KDELR1: variants seen among roughly 807,000 people sequenced by gnomAD.
KDELR1 encodes the protein KDEL endoplasmic reticulum protein retention receptor 1.
In KDELR1, 16 loss-of-function variants were observed where a neutral mutation model predicts 25.5. That is an observed-to-expected ratio of 0.63 (90% CI 0.43 to 0.95). KDELR1 has a LOEUF of 0.95. Among genes scored for constraint, KDELR1 ranks in the 40% least tolerant of loss-of-function variants. The pLI is 0.00. For synonymous variants in KDELR1, 121 were observed against 115.0 expected (o/e 1.05, Z -0.33); for missense variants, 159 against 265.2 (o/e 0.60, Z 2.78).
chr19:48,385,152 G>A (rs10415270), intron 3 of KDELR1, among the ~76,000 whole-genome samples: 5,726 of 152,262 alleles, frequency 0.038, 361 homozygotes, highest in African/African-American at 0.13. Context: ...CTCCCAAAGT[G>A]CTGGGATTAC....
intron 3 of KDELR1, among the ~76,000 whole-genome samples, chr19:48,386,182 C>G (rs912693427): frequency 6.6e-6 from 1 of 150,906 alleles, no homozygotes; most frequent in Non-Finnish European, 1.5e-5. Context: ...GGCGCGATCT[C>G]GGCTCACTGC....
chr19:48,385,366 T>G (rs148806143), intron 3 of KDELR1, among the ~76,000 whole-genome samples: 1 of 152,236 alleles, frequency 6.6e-6, no homozygotes, highest in Non-Finnish European at 1.5e-5. Flanking sequence ...CCCCATCTTA[T>G]CTCCTTCCTG....
At chr19:48,395,268 C>T (rs1219456185), upstream of KDELR1, among the ~76,000 whole-genome samples, 3 of 151,712 alleles carry the variant, frequency 2.0e-5, no homozygotes, top group Admixed American at 6.6e-5. Context: ...GTACCCCCCT[C>T]CCTGCATCAG....
At chr19:48,388,679 T>C (rs561840602) in intron 3 of KDELR1, among the ~76,000 whole-genome samples, 2 of 145,898 alleles carry the variant, frequency 1.4e-5, no homozygotes, top group Non-Finnish European at 3.0e-5. Context: ...AGCGAGACTT[T>C]GTCGAAAGAG....
Position 48,383,256 on chromosome 19 carries a change from C to T in KDELR1, c.*37G>A. 6.5e-7 allele frequency: 1 copy of T among 1,549,550 alleles called. No individual in the cohort carries two copies. Among genetic ancestry groups the T allele is most frequent in the South Asian group, 1.2e-5 (1 of 84,018 alleles). On this transcript the variant is annotated 3_prime_UTR_variant, in exon 5 of 5. Coordinates refer to ENST00000330720, the MANE Select transcript of KDELR1 (RefSeq NM_006801.3). Reference sequence around the variant, plus strand: ...ATCTTCTGCCGCCTTCCTCTGCCTCCCGCTGCTGCCGAGGAGAGAGATGGA... The same window carrying T: ...ATCTTCTGCCGCCTTCCTCTGCCTCTCGCTGCTGCCGAGGAGAGAGATGGA...
upstream of KDELR1, among the ~76,000 whole-genome samples, chr19:48,392,063 C>G (rs934118100): frequency 2.0e-5 from 3 of 149,196 alleles, no homozygotes; most frequent in Admixed American, 2.0e-4. Flanking sequence ...CCCAGAAGTC[C>G]AGACCCCCAG....
At chr19:48,391,203 C>T in intron 1 of KDELR1, 65 bp downstream of exon 1, 1 of 1,401,668 alleles carries the variant, frequency 7.1e-7, no homozygotes, top group Non-Finnish European at 9.9e-7. Flanking sequence ...CTTCCTGAGT[C>T]CTGCGACGTC....
upstream of KDELR1, among the ~76,000 whole-genome samples, chr19:48,394,509 C>T (rs547965630): frequency 3.9e-3 from 498 of 127,622 alleles, 5 homozygotes; most frequent in African/African-American, 0.014. This position sits in a 1 kb window ranked among gnomAD's most constrained non-coding sequence, Gnocchi z 5.1. Context: ...CAGGGAGAGG[C>T]GGGACTGGAC....
At chr19:48,386,271 C>A (rs1243657731) in intron 3 of KDELR1, among the ~76,000 whole-genome samples, 3 of 151,826 alleles carry the variant, frequency 2.0e-5, no homozygotes, top group East Asian at 1.9e-4. Flanking sequence ...CTCACCACCA[C>A]GCCCTGCTAA....
chr19:48,393,750 C>G (rs577250570), upstream of KDELR1, among the ~76,000 whole-genome samples: 43 of 152,168 alleles, frequency 2.8e-4, no homozygotes, highest in African/African-American at 1.0e-3. The surrounding 1 kb of genome is among the most constrained non-coding windows in gnomAD (Gnocchi z 5.6). Flanking sequence ...GCGGCCGCCG[C>G]CGCCACCCTC....
intron 1 of KDELR1, 132 bp from the exon 2 acceptor site, chr19:48,390,656 C>A (rs1057251260): frequency 2.3e-5 from 15 of 644,128 alleles, no homozygotes; most frequent in Non-Finnish European, 3.8e-5. Context: ...TAAGGCAGGG[C>A]GCCCGGGACC....
chr19:48,392,505 GA>G (rs1970570987), upstream of KDELR1, among the ~76,000 whole-genome samples: 1 of 152,150 alleles, frequency 6.6e-6, no homozygotes, highest in African/African-American at 2.4e-5. Context: ...CTGTTCCTTG[GA>G]ACTTAGGGTC....
chr19:48,387,064 TAAAAAA>T (rs35835908), intron 3 of KDELR1, among the ~76,000 whole-genome samples: 1 of 116,180 alleles, frequency 8.6e-6, no homozygotes, highest in African/African-American at 3.2e-5. Context: ...CAGCAAGACT[TAAAAAA>T]AAAAAAAAAA....
rs144398648 is a variant in KDELR1, at chr19:48,385,359, C to T, written c.352-877G>A. On this transcript the variant is annotated intron_variant, in intron 3 of 4. Transcript: ENST00000330720. ...TTCCCCCAGGACTGTCACATCACCC[C>T]ATCTTATCTCCTTCCTGGCCACTCG... Among the ~76,000 whole-genome samples, 815 of 152,334 alleles carry T rather than the reference C, an allele frequency of 5.4e-3. 8 individuals are homozygous for T. Among genetic ancestry groups the T allele is most frequent in the Middle Eastern group, 0.01 (3 of 294 alleles).
upstream of KDELR1, among the ~76,000 whole-genome samples, chr19:48,393,413 T>C (rs528101659): frequency 6.6e-6 from 1 of 152,272 alleles, no homozygotes; most frequent in Non-Finnish European, 1.5e-5. This position sits in a 1 kb window ranked among gnomAD's most constrained non-coding sequence, Gnocchi z 5.6. Flanking sequence ...CCCCCAGCCC[T>C]GGAGTCTAGC....
At chr19:48,391,221 C>T (rs1294446528) in intron 1 of KDELR1, 47 bp downstream of exon 1, 2 of 1,516,278 alleles carry the variant, frequency 1.3e-6, no homozygotes, top group East Asian at 2.5e-5. Context: ...GTCCCCCAAC[C>T]CCCGCCCGCA....
chr19:48,396,350 C>T (rs1303753364), upstream of KDELR1, among the ~76,000 whole-genome samples: 2 of 151,886 alleles, frequency 1.3e-5, no homozygotes, highest in African/African-American at 4.8e-5. Flanking sequence ...ATGCAGCCCC[C>T]GTGAGAAGGG....
chr19:48,390,293 C>T lies in KDELR1; in HGVS notation c.192+131G>A. 3.1e-5 allele frequency: 18 copies of T among 581,234 alleles called. No individual in the cohort carries two copies. In the South Asian group the frequency reaches 3.3e-4, roughly 11 times the overall value. 36.0% of individuals were successfully genotyped at this position (581,234 alleles called of 1,614,324 possible). A position where few individuals can be genotyped will look rare whatever the true frequency, so the allele number is the denominator to read the frequency against. On this transcript the variant is annotated intron_variant, in intron 2 of 4. Transcript: ENST00000330720. ...TTCCCTCAGACCCAAGAGTCCAGGCCCCCGGCCCCTCCTCCCTCAGACCCA... is the reference window on the plus strand; with the variant it reads ...TTCCCTCAGACCCAAGAGTCCAGGCTCCCGGCCCCTCCTCCCTCAGACCCA...
At chr19:48,389,808 G>A in intron 2 of KDELR1, 97 bp from the exon 3 acceptor site, 1 of 1,349,342 alleles carries the variant, frequency 7.4e-7, no homozygotes, top group South Asian at 1.3e-5. Flanking sequence ...AGACGCAGGA[G>A]TCCAGACCCC....
Sources: gnomAD v4.1 joint callset for allele counts (sites outside exome capture counted in the v4.1 genomes callset) on GRCh38, gnomAD v4.1.1 for gene constraint, Gnocchi (gnomAD v3.1) non-coding constraint, MANE v1.5 for transcripts, NCBI Gene and HGNC (gene_info 2026-07-23, HGNC 2026-07-21) for gene names.